The following LIG3 variants were observed in gnomAD, a reference collection of about 807,000 sequenced individuals.
The protein encoded by LIG3 is ligase II, DNA, ATP-dependent.
A neutral mutation model predicts 110.9 loss-of-function variants in LIG3; 58 were observed. The observed-to-expected ratio is 0.52, with a 90% CI of 0.42 to 0.65. The LOEUF is 0.65. Ranked by LOEUF, LIG3 falls within the 30% of genes least tolerant of loss-of-function variation. The pLI is 0.00. For synonymous variants in LIG3, 422 were observed against 472.8 expected, an observed-to-expected ratio of 0.89 and a Z score of 1.39; for missense variants, 1,094 against 1,273.8, an observed-to-expected ratio of 0.86 and a Z score of 2.15.
intron 2 of LIG3, 136 bp from the exon 3 acceptor site, chr17:34,985,852 C>T: frequency 1.3e-6 from 1 of 774,386 alleles, no homozygotes; most frequent in Non-Finnish European, 2.1e-6. Context: ...AAATACCAGC[C>T]ACCAGCCAGC....
At chr17:34,981,204 C>T (rs941893464) in intron 1 of LIG3, 3 of 152,434 alleles carry the variant, frequency 2.0e-5, no homozygotes, top group African/African-American at 2.4e-5. Flanking sequence ...TGCATTGTGC[C>T]TCCTCGTGGC....
intron 5 of LIG3, 113 bp downstream of exon 5, chr17:34,991,227 T>A: frequency 9.8e-7 from 1 of 1,020,470 alleles, no homozygotes; most frequent in Non-Finnish European, 1.4e-6. Context: ...TTTAGGAAAC[T>A]GAAACCCATT....
intron 7 of LIG3, 84 bp from the exon 8 acceptor site, chr17:34,992,440 T>G: frequency 3.6e-6 from 5 of 1,378,974 alleles, no homozygotes; most frequent in Non-Finnish European, 4.0e-6. Flanking sequence ...GAGGATTTCT[T>G]CTGTGAGGAC....
chr17:34,992,814 G>A (rs2090739535), intron 8 of LIG3, 122 bp downstream of exon 8: 2 of 970,574 alleles, frequency 2.1e-6, no homozygotes, highest in Admixed American at 3.5e-5. Flanking sequence ...GTTTAGGGAA[G>A]GAAGAGGGAG....
At chr17:34,984,770 A>G (rs2090638492) in intron 2 of LIG3, among the ~76,000 whole-genome samples, 1 of 149,338 alleles carries the variant, frequency 6.7e-6, no homozygotes, top group African/African-American at 2.5e-5. Flanking sequence ...GTCATGGGGT[A>G]TCTGTTTCTT....
rs776813883 is a variant in LIG3 at position 34,983,225 on chromosome 17, T to C, written c.220T>C (p.Leu74=). ...ATCACGTGCCACCTACCTTGTTTTC[T>C]TGCCAGGGTTGCATGTGGGACTCTG... is the stretch of plus-strand genomic sequence containing the variant. ...LRSRATYLVF[L]PGLHVGLCSG... Residue 74 remains leucine (L), a synonymous_variant, in exon 2 of 20, where the codon TTG becomes CTG. Coordinates refer to ENST00000378526, the MANE Select transcript of LIG3 (RefSeq NM_013975.4). The C allele has an allele frequency of 6.2e-7, 1 of 1,614,232 alleles. No individual in the cohort carries two copies. The highest frequency in any genetic ancestry group is 8.5e-7 in the Non-Finnish European group (1 of 1,180,026).
Position 35,001,965 on chromosome 17 carries a change from G to C in LIG3, c.2535G>C (p.Glu845Asp). The change falls in exon 18 of 20, where the codon GAG (glutamate) becomes GAC (aspartate). Residue 845 changes from glutamate (E) to aspartate (D), a missense_variant. Glu to Asp is a conservative substitution (Grantham distance 45). Transcript: ENST00000378526. Reference protein sequence around the residue: ...KADFTVVAGDEGSSTTGGSSE... With the variant: ...KADFTVVAGDDGSSTTGGSSE... Reference sequence around the variant, plus strand: ...ACTTCACTGTAGTGGCTGGAGATGAGGGGAGCTCCACTACAGGGGGTAGCA... The same window carrying C: ...ACTTCACTGTAGTGGCTGGAGATGACGGGAGCTCCACTACAGGGGGTAGCA... The C allele has an allele frequency of 6.2e-7, 1 of 1,612,856 alleles. No homozygotes were observed. Among genetic ancestry groups the C allele is most frequent in the Non-Finnish European group, 8.5e-7 (1 of 1,179,442 alleles).
rs1341803561 is a variant in LIG3 at position 34,989,626 on chromosome 17, G to A, written c.852G>A (p.Gln284=). 6.2e-7 allele frequency: 1 copy of A among 1,614,154 alleles called. No homozygotes were observed. Among genetic ancestry groups the A allele is most frequent in the Non-Finnish European group, 8.5e-7 (1 of 1,180,040 alleles). Residue 284 remains glutamine, a synonymous_variant, in exon 4 of 20, where the codon CAG becomes CAA. Transcript: ENST00000378526. ...ADNPSYNTKT[Q]IIQDFLRKGS... ...ATCCTAGCTACAACACGAAGACCCA[G>A]ATCATCCAGGACTTCCTTCGGAAAG...
intron 7 of LIG3, 46 bp downstream of exon 7, chr17:34,992,081 T>G (rs1260783906): frequency 1.3e-6 from 2 of 1,558,118 alleles, no homozygotes; most frequent in Non-Finnish European, 1.8e-6. Flanking sequence ...TTTGTTAGCT[T>G]TGTTTGTTCC....
At position 34,995,938 on chromosome 17, in the gene LIG3, C is replaced by T; in HGVS notation, c.1612-126C>T. The T allele has an allele frequency of 4.2e-6, 5 of 1,199,000 alleles. No individual in the cohort carries two copies. In the South Asian group the frequency reaches 6.0e-5, roughly 14 times the overall value. The allele number at this position is 1,199,000 out of a possible 1,614,324, so 74.3% of individuals were successfully genotyped here. A position where few individuals can be genotyped will look rare whatever the true frequency, so the allele number is the denominator to read the frequency against. ...TCGCAAGGCCTAGCTATATGTTTTG[C>T]ACATTAGCTGGGCCTTCCACATGTT... On this transcript the variant is annotated intron_variant, in intron 9 of 19. Transcript: ENST00000378526.
rs1280104882 is a variant in LIG3 at position 35,005,267 on chromosome 17, T to C, written c.*761T>C. 2 of 522,576 alleles carry C rather than the reference T, an allele frequency of 3.8e-6. No homozygotes were observed. The highest frequency in any genetic ancestry group is 3.8e-5 in the African/African-American group (2 of 51,986). The allele number at this position is 522,576 out of a possible 1,614,324, so 32.4% of individuals were successfully genotyped here. On this transcript the variant is annotated 3_prime_UTR_variant, in exon 20 of 20. Transcript: ENST00000378526. ...TTAAGAATAAAAATCCACATGGGGC[T>C]TGAGGCCAAGAACAGCCCTTGTTGC...
intron 3 of LIG3, among the ~76,000 whole-genome samples, chr17:34,988,668 C>T (rs1254241896): frequency 6.6e-6 from 1 of 152,060 alleles, no homozygotes; most frequent in African/African-American, 2.4e-5. Flanking sequence ...TTTATAACTG[C>T]TCCTTGGGGA....
At position 35,002,706 on chromosome 17, in the gene LIG3, G is replaced by A. The variant is rs2090856829; in HGVS notation, c.2713G>A (p.Gly905Arg). 6.2e-7 allele frequency: 1 copy of A among 1,613,616 alleles called. No individual in the cohort carries two copies. Among genetic ancestry groups the A allele is most frequent in the African/African-American group, 1.3e-5 (1 of 74,932 alleles). ...QTAKPSAMKV[G>R]EKLATKSSPV... ...TGCAAAGCCTTCCGCTATGAAGGTG[G>A]GGGAGAAGCTGGCCACAAAGTCTTC... is the stretch of plus-strand genomic sequence containing the variant. The change falls in exon 19 of 20, where the codon GGG becomes AGG. Residue 905 changes from glycine (G) to arginine (R), a missense_variant. Gly to Arg is a moderately radical substitution (Grantham distance 125, BLOSUM62 -2). Transcript: ENST00000378526.
chr17:34,991,614 G>T (rs564865190), intron 5 of LIG3, 57 bp from the exon 6 acceptor site: 15 of 1,570,606 alleles, frequency 9.6e-6, no homozygotes, highest in South Asian at 8.9e-5. Flanking sequence ...TGGGTCTTGG[G>T]GGATACACTT....
At chr17:35,002,611 G>T in intron 18 of LIG3, 57 bp from the exon 19 acceptor site, 2 of 1,566,678 alleles carry the variant, frequency 1.3e-6, no homozygotes, top group South Asian at 2.4e-5. Flanking sequence ...TGATCCTCCC[G>T]AGTAGCTGGG....
chr17:34,984,559 TG>T (rs2090636337), intron 2 of LIG3, among the ~76,000 whole-genome samples: 2 of 152,152 alleles, frequency 1.3e-5, no homozygotes, highest in Non-Finnish European at 2.9e-5. Context: ...GTAATTTCTC[TG>T]GGGATTCCTG....
chr17:34,992,271 C>A (rs1224015336), intron 7 of LIG3, among the ~76,000 whole-genome samples: 1 of 152,246 alleles, frequency 6.6e-6, no homozygotes, highest in Admixed American at 6.5e-5. Context: ...GGCATACGTT[C>A]AGTGAGTATA....
Position 34,996,597 on chromosome 17 carries a change from T to C in LIG3, c.1767T>C (p.Asn589=), listed in dbSNP as rs1243835544. 1 of 1,614,058 alleles carries C rather than the reference T, an allele frequency of 6.2e-7. No homozygotes were observed. The highest frequency in any genetic ancestry group is 1.1e-5 in the South Asian group (1 of 91,084). ...VHKKAAFQDA[N]VCLFVFDCIY... ...AGAAAGCAGCCTTCCAGGATGCTAA[T>C]GTCTGCCTGTTTGTTTTTGATTGTA... The change falls in exon 11 of 20, where the codon AAT becomes AAC. Residue 589 remains asparagine, a synonymous_variant. Coordinates refer to ENST00000378526, the MANE Select transcript of LIG3 (RefSeq NM_013975.4).
Position 35,007,406 on chromosome 17 carries a change from T to C in LIG3, c.*2900T>C, listed in dbSNP as rs2090902978. ...TATTTCAATGCAGCCCTCAACATCA[T>C]CATCATAAATCTCTCCAGCAGAATG... On this transcript the variant is annotated 3_prime_UTR_variant, in exon 20 of 20. Coordinates refer to ENST00000378526, the MANE Select transcript of LIG3 (RefSeq NM_013975.4). 1 of 152,202 alleles carries C rather than the reference T, an allele frequency of 6.6e-6. No homozygotes were observed. Among genetic ancestry groups the C allele is most frequent in the African/African-American group, 2.4e-5 (1 of 41,440 alleles). 9.4% of individuals were successfully genotyped at this position (152,202 alleles called of 1,614,324 possible). A position where few individuals can be genotyped will look rare whatever the true frequency, so the allele number is the denominator to read the frequency against.
Sources: gnomAD v4.1 joint callset for allele counts (sites outside exome capture counted in the v4.1 genomes callset) on GRCh38, gnomAD v4.1.1 for gene constraint, MANE v1.5 for transcripts, NCBI Gene and HGNC (gene_info 2026-07-23, HGNC 2026-07-21) for gene names.